MAPK10: variants seen among roughly 807,000 people sequenced by gnomAD.
MAPK10 encodes the protein mitogen-activated protein kinase 10.
A neutral mutation model predicts 59.3 loss-of-function variants in MAPK10; 25 were observed. The ratio of observed to expected loss-of-function variants is 0.42; its 90% CI spans 0.31 to 0.59. MAPK10 has a LOEUF of 0.59. Ranked by LOEUF, MAPK10 falls within the 20% of genes least tolerant of loss-of-function variation. The pLI is 0.15. For missense variants in MAPK10, 351 were observed against 568.9 expected, an observed-to-expected ratio of 0.62 and a Z score of 3.90; for synonymous variants, 190 against 200.5, an observed-to-expected ratio of 0.95 and a Z score of 0.44.
chr4:86,260,381 T>C (rs575941114), intron 2 of MAPK10, among the ~76,000 whole-genome samples: 2 of 152,148 alleles, frequency 1.3e-5, no homozygotes, highest in Non-Finnish European at 2.9e-5. Flanking sequence ...AATAAATTGC[T>C]AAACTTCCAA....
rs938772557 is a variant in MAPK10, at chr4:86,011,893, C to T, written c.*5335G>A. 6.6e-6 allele frequency: 1 copy of T among 152,180 alleles called. No individual in the cohort carries two copies. Among genetic ancestry groups the T allele is most frequent in the Non-Finnish European group, 1.5e-5 (1 of 68,026 alleles). The allele number at this position is 152,180 out of a possible 1,614,324, so 9.4% of individuals were successfully genotyped here. On this transcript the variant is annotated 3_prime_UTR_variant, in exon 14 of 14. Transcript: ENST00000641462. Reference sequence around the variant, plus strand: ...CCACTCCTCAACTGTTCAAACACTGCAAAGTAAACTAATGCAAGTGCAGTG... The same window carrying T: ...CCACTCCTCAACTGTTCAAACACTGTAAAGTAAACTAATGCAAGTGCAGTG...
At chr4:86,536,432 G>A (rs796933286) in intron 1 of MAPK10, among the ~76,000 whole-genome samples, 3 of 152,308 alleles carry the variant, frequency 2.0e-5, no homozygotes, top group African/African-American at 7.2e-5. Context: ...ACCCAGACAC[G>A]ATTACGTTTA....
chr4:86,264,639 G>T (rs536608474), intron 2 of MAPK10, among the ~76,000 whole-genome samples: 2 of 152,238 alleles, frequency 1.3e-5, no homozygotes, highest in Admixed American at 1.3e-4. Context: ...AATGCACAAA[G>T]TTATTAAACT....
At chr4:86,232,668 C>T (rs771023834) in intron 2 of MAPK10, among the ~76,000 whole-genome samples, 6 of 152,126 alleles carry the variant, frequency 3.9e-5, no homozygotes, top group South Asian at 2.1e-4. Flanking sequence ...CCACCACGCC[C>T]GGCCTAGAGT....
chr4:86,210,356 T>G (rs1471283274), intron 2 of MAPK10, among the ~76,000 whole-genome samples: 1 of 151,698 alleles, frequency 6.6e-6, no homozygotes, highest in African/African-American at 2.4e-5. Context: ...TGGGAGAAAA[T>G]ATTTGCAAAC....
intron 3 of MAPK10, among the ~76,000 whole-genome samples, chr4:86,168,144 G>A (rs540064841): frequency 3.3e-5 from 5 of 152,326 alleles, no homozygotes; most frequent in Non-Finnish European, 5.9e-5. Flanking sequence ...CACAGAAGAC[G>A]GGTGATTTCT....
intron 4 of MAPK10, among the ~76,000 whole-genome samples, chr4:86,128,761 G>C (rs531581302): frequency 2.8e-4 from 42 of 151,972 alleles, no homozygotes; most frequent in African/African-American, 9.2e-4. Flanking sequence ...AAATATATAG[G>C]AGCACAACAC....
At chr4:86,178,228 G>A (rs1404789490) in intron 3 of MAPK10, among the ~76,000 whole-genome samples, 1 of 151,872 alleles carries the variant, frequency 6.6e-6, no homozygotes, top group African/African-American at 2.4e-5. Flanking sequence ...TTTGTTCTCA[G>A]TTAAATGTAG....
intron 9 of MAPK10, chr4:86,090,643 T>C (rs2052924504): frequency 6.6e-6 from 1 of 152,112 alleles, no homozygotes; most frequent in African/African-American, 2.4e-5. Flanking sequence ...AATCTTTGAT[T>C]AAAGAAAAAA....
At chr4:86,124,124 CA>C (rs762866933) in intron 4 of MAPK10, 17 of 151,712 alleles carry the variant, frequency 1.1e-4, no homozygotes, top group Non-Finnish European at 1.9e-4. Context: ...TGATAACACA[CA>C]AAAAATTTTT....
chr4:86,461,258 C>T (rs1483639143), intron 1 of MAPK10, among the ~76,000 whole-genome samples: 1 of 151,988 alleles, frequency 6.6e-6, no homozygotes, highest in African/African-American at 2.4e-5. Context: ...TGGTTTTATA[C>T]ATTTGAGGAG....
intron 13 of MAPK10, among the ~76,000 whole-genome samples, chr4:86,022,486 CCTTT>C (rs553140431): frequency 3.3e-5 from 5 of 151,574 alleles, no homozygotes; most frequent in African/African-American, 1.2e-4. Context: ...GCTCTTTCTT[CCTTT>C]CTTTCTTGCT....
At chr4:86,153,381 G>A (rs2066936505) in intron 4 of MAPK10, among the ~76,000 whole-genome samples, 2 of 152,132 alleles carry the variant, frequency 1.3e-5, no homozygotes. Context: ...CTTGCTGTCA[G>A]TTTTTACTAC....
At chr4:86,130,323 T>A (rs2060775474) in intron 4 of MAPK10, among the ~76,000 whole-genome samples, 1 of 152,134 alleles carries the variant, frequency 6.6e-6, no homozygotes, top group Non-Finnish European at 1.5e-5. Context: ...TAATAAACCA[T>A]GTCATGTGTT....
chr4:86,537,853 T>C (rs1263308962), intron 1 of MAPK10, among the ~76,000 whole-genome samples: 1 of 152,228 alleles, frequency 6.6e-6, no homozygotes, highest in African/African-American at 2.4e-5. Flanking sequence ...TTAATCTTTT[T>C]CTTTATGGTT....
At chr4:86,553,630 TG>T (rs1199136869) in intron 1 of MAPK10, among the ~76,000 whole-genome samples, 2 of 152,094 alleles carry the variant, frequency 1.3e-5, no homozygotes, top group African/African-American at 4.8e-5. Flanking sequence ...TCAGGTATGC[TG>T]GGGGAACTTA....
intron 9 of MAPK10, chr4:86,089,598 C>G: frequency 9.5e-6 from 2 of 211,044 alleles, no homozygotes; most frequent in Non-Finnish European, 1.9e-5. Flanking sequence ...TTACTAGAAT[C>G]CTACTGATTT....
intron 1 of MAPK10, among the ~76,000 whole-genome samples, chr4:86,372,554 AAG>A (rs1487926928): frequency 1.6e-4 from 4 of 24,980 alleles, no homozygotes; most frequent in South Asian, 5.7e-3. Flanking sequence ...GAAAGAAAGA[AAG>A]AAAGAAAGAA....
At chr4:86,101,007 C>T (rs761533111) in intron 8 of MAPK10, 45 bp downstream of exon 8, 43 of 1,569,706 alleles carry the variant, frequency 2.7e-5, no homozygotes, top group East Asian at 2.7e-4. Context: ...AACGTGCACC[C>T]GTTTCATTCA....
Sources: gnomAD v4.1 joint callset for allele counts (sites outside exome capture counted in the v4.1 genomes callset) on GRCh38, gnomAD v4.1.1 for gene constraint, MANE v1.5 for transcripts, NCBI Gene and HGNC (gene_info 2026-07-23, HGNC 2026-07-21) for gene names.